MAP2K5: variants seen among roughly 807,000 people sequenced by gnomAD.
MAP2K5 encodes dual specificity mitogen-activated protein kinase kinase 5.
Under a neutral mutation model 83.1 loss-of-function variants are expected in MAP2K5, and 49 were observed. That is an observed-to-expected ratio of 0.59 (90% CI 0.47 to 0.75). The LOEUF is 0.75. MAP2K5 is among the 30% of genes least tolerant of loss of function. The pLI is 0.00. For synonymous variants in MAP2K5, 202 were observed against 191.8 expected (o/e 1.05, Z -0.44); for missense variants, 457 against 557.5 (o/e 0.82, Z 1.82).
chr15:67,806,437 C>T (rs902404483), intron 21 of MAP2K5, among the ~76,000 whole-genome samples: 4 of 152,196 alleles, frequency 2.6e-5, no homozygotes, highest in African/African-American at 9.7e-5. Context: ...GCCAGCACTC[C>T]ACACGCTTGG....
At chr15:67,685,378 A>G (rs2087928066) in intron 13 of MAP2K5, among the ~76,000 whole-genome samples, 1 of 152,212 alleles carries the variant, frequency 6.6e-6, no homozygotes, top group South Asian at 2.1e-4. Flanking sequence ...AAACAGCTAA[A>G]TAAAGACTTT....
At position 67,724,134 on chromosome 15, in the gene MAP2K5, C is replaced by T. The variant is rs72751419; in HGVS notation, c.1045-3782C>T. ...CATTAAATCTGAAACACATTTAGTA[C>T]AGTGACATATCTGCAGGCCATTTCA... On this transcript the variant is annotated intron_variant, in intron 16 of 21. Transcript: ENST00000178640. The surrounding 1 kb of genome is among the most constrained non-coding windows in gnomAD (Gnocchi z 4.4). Among the ~76,000 whole-genome samples the T allele has an allele frequency of 4.9e-3, 747 of 152,290 alleles. 4 individuals are homozygous for T. Among genetic ancestry groups the T allele is most frequent in the Middle Eastern group, 6.8e-3 (2 of 294 alleles).
rs1016427251 is a variant in MAP2K5 at position 67,550,153 on chromosome 15, A to G, written c.184+71A>G. On this transcript the variant is annotated intron_variant, in intron 2 of 21. Coordinates refer to ENST00000178640, the MANE Select transcript of MAP2K5 (RefSeq NM_145160.3). ...ATTTTTTAAAGGGTTTATGGGTGGC[A>G]TTACTTTAGAAACTGACAAAAACAG... is the stretch of plus-strand genomic sequence containing the variant. 7.0e-5 allele frequency: 84 copies of G among 1,205,956 alleles called. No individual in the cohort carries two copies. In the African/African-American group the frequency reaches 1.1e-3, roughly 16 times the overall value. 74.7% of individuals were successfully genotyped at this position (1,205,956 alleles called of 1,614,324 possible).
intron 8 of MAP2K5, among the ~76,000 whole-genome samples, chr15:67,605,837 T>C (rs2085767066): frequency 6.6e-6 from 1 of 152,206 alleles, no homozygotes; most frequent in Admixed American, 6.5e-5. Context: ...TTAGTGGGGC[T>C]CTTTCATTGG....
chr15:67,657,285 A>G (rs2087107370), intron 11 of MAP2K5, among the ~76,000 whole-genome samples: 1 of 152,148 alleles, frequency 6.6e-6, no homozygotes, highest in African/African-American at 2.4e-5. Context: ...TTACTGGTAC[A>G]TGTGGATGGG....
intron 13 of MAP2K5, among the ~76,000 whole-genome samples, chr15:67,674,170 G>A (rs1260300884): frequency 6.6e-6 from 1 of 152,070 alleles, no homozygotes; most frequent in African/African-American, 2.4e-5. Context: ...TAAAAGAACT[G>A]GTTAGTGCTT....
At chr15:67,663,520 G>C (rs762614259) in intron 12 of MAP2K5, among the ~76,000 whole-genome samples, 33 of 152,068 alleles carry the variant, frequency 2.2e-4, no homozygotes, top group Non-Finnish European at 4.1e-4. Flanking sequence ...TCTGACTCCT[G>C]ATGGGAAAAG....
rs1383547087 is a variant in MAP2K5 at position 67,807,095 on chromosome 15, A to T, written c.*345A>T. On this transcript the variant is annotated 3_prime_UTR_variant, in exon 22 of 22. Coordinates refer to ENST00000178640, the MANE Select transcript of MAP2K5 (RefSeq NM_145160.3). The surrounding 1 kb of genome is among the most constrained non-coding windows in gnomAD (Gnocchi z 5.1). ...CGTCAGCATCACTGATGGGAATAAAAGTATTAATGCTTTGTGACAGCCTCT... is the reference window on the plus strand; with the variant it reads ...CGTCAGCATCACTGATGGGAATAAATGTATTAATGCTTTGTGACAGCCTCT... The T allele has an allele frequency of 1.6e-6, 1 of 638,864 alleles. No homozygotes were observed. The highest frequency in any genetic ancestry group is 2.4e-6 in the Non-Finnish European group (1 of 425,000). 39.6% of individuals were successfully genotyped at this position (638,864 alleles called of 1,614,324 possible).
intron 16 of MAP2K5, among the ~76,000 whole-genome samples, chr15:67,726,143 G>A (rs2089090213): frequency 6.6e-6 from 1 of 152,104 alleles, no homozygotes; most frequent in Non-Finnish European, 1.5e-5. Flanking sequence ...TGTATATTTT[G>A]TGTACAAGAT....
Position 67,644,393 on chromosome 15 carries a change from C to CTAAATAAA in MAP2K5, c.586-1821_586-1814dup, listed in dbSNP as rs536126191. 8.6e-5 allele frequency among the ~76,000 whole-genome samples: 13 copies of CTAAATAAA among 151,920 alleles called. No homozygotes were observed. The highest frequency in any genetic ancestry group is 3.1e-4 in the African/African-American group (13 of 41,392). ...TGGGTGACAGGGCAGGACTCCATCT[C>CTAAATAAA]TAAATAAATAAATAAATAAATAAAA... is the stretch of plus-strand genomic sequence containing the variant. On this transcript the variant is annotated intron_variant, in intron 9 of 21. Transcript: ENST00000178640. This position sits in a 1 kb window ranked among gnomAD's most constrained non-coding sequence, Gnocchi z 4.6.
chr15:67,635,934 T>C (rs190017071), intron 9 of MAP2K5, among the ~76,000 whole-genome samples: 1 of 152,350 alleles, frequency 6.6e-6, no homozygotes, highest in Admixed American at 6.5e-5. Flanking sequence ...TTAATGTCTC[T>C]ACTTAACATG....
chr15:67,696,199 A>G (rs1268285028), intron 15 of MAP2K5, among the ~76,000 whole-genome samples: 1 of 149,658 alleles, frequency 6.7e-6, no homozygotes, highest in Admixed American at 6.7e-5. Flanking sequence ...TGAGTTCTAC[A>G]TGAGCCCTAT....
At chr15:67,680,639 G>T (rs1476973441) in intron 13 of MAP2K5, among the ~76,000 whole-genome samples, 1 of 152,126 alleles carries the variant, frequency 6.6e-6, no homozygotes, top group Non-Finnish European at 1.5e-5. Context: ...CATTCTTTCT[G>T]CTCACTGATA....
chr15:67,685,301 C>G (rs1223189644), intron 13 of MAP2K5, among the ~76,000 whole-genome samples: 1 of 152,182 alleles, frequency 6.6e-6, no homozygotes, highest in African/African-American at 2.4e-5. Context: ...GGAAAGACGT[C>G]TTTAAAATGT....
chr15:67,664,333 C>CAAG (rs1555538652), intron 12 of MAP2K5, among the ~76,000 whole-genome samples: 1 of 74,090 alleles, frequency 1.3e-5, no homozygotes, highest in Non-Finnish European at 2.4e-5. Flanking sequence ...CTGTTTCTAC[C>CAAG]AAAAAAAAAA....
At position 67,676,225 on chromosome 15, in the gene MAP2K5, A is replaced by G. The variant is rs997550589; in HGVS notation, c.847+11580A>G. ...GTTTAGGAGCTTATCAGAGGGAGAGAGAGAGCACCTGTATGATGAATGACA... is the reference window on the plus strand; with the variant it reads ...GTTTAGGAGCTTATCAGAGGGAGAGGGAGAGCACCTGTATGATGAATGACA... On this transcript the variant is annotated intron_variant, in intron 13 of 21. Transcript: ENST00000178640. The surrounding 1 kb of genome is among the most constrained non-coding windows in gnomAD (Gnocchi z 4.8). 2.6e-5 allele frequency among the ~76,000 whole-genome samples: 4 copies of G among 152,164 alleles called. No individual in the cohort carries two copies. The highest frequency in any genetic ancestry group is 5.9e-5 in the Non-Finnish European group (4 of 68,036).
rs2141316000 is a variant in MAP2K5, at chr15:67,779,879, A to G, written c.1242+7127A>G. Among the ~76,000 whole-genome samples, 1 of 152,284 alleles carries G rather than the reference A, an allele frequency of 6.6e-6. No homozygotes were observed. Among genetic ancestry groups the G allele is most frequent in the South Asian group, 2.1e-4 (1 of 4,824 alleles). ...GCCAGATTTGCGGCAGCGGGAGGCT[A>G]AGGTGGGTCTTTAAAGTATGTTACA... On this transcript the variant is annotated intron_variant, in intron 21 of 21. Transcript: ENST00000178640. This position sits in a 1 kb window ranked among gnomAD's most constrained non-coding sequence, Gnocchi z 4.6.
intron 16 of MAP2K5, among the ~76,000 whole-genome samples, chr15:67,725,395 C>T (rs549472944): frequency 6.6e-6 from 1 of 152,308 alleles, no homozygotes; most frequent in African/African-American, 2.4e-5. Flanking sequence ...TATCTCACTC[C>T]GTTTTAAGCC....
Position 67,806,734 on chromosome 15 carries a change from A to G in MAP2K5, c.1331A>G (p.Gln444Arg). ...VCRALEERRS[Q>R]QGPP is the part of the protein sequence containing the mutation. ...CGGGCGCTGGAGGAGAGGCGGAGCC[A>G]GCAGGGGCCCCCGTGAGGCTGCCGC... The change falls in exon 22 of 22, where the codon CAG becomes CGG. Residue 444 changes from glutamine (Q) to arginine (R), a missense_variant. This residue lies in a region of MAP2K5 where 55 missense variants were observed against 50.9 expected (regional missense o/e 1.08). Coordinates refer to ENST00000178640, the MANE Select transcript of MAP2K5 (RefSeq NM_145160.3). The G allele has an allele frequency of 6.4e-7, 1 of 1,554,034 alleles. No homozygotes were observed. The highest frequency in any genetic ancestry group is 8.7e-7 in the Non-Finnish European group (1 of 1,150,236).
Sources: allele counts gnomAD v4.1 joint callset (sites outside exome capture counted in the v4.1 genomes callset), GRCh38; gene constraint gnomAD v4.1.1; regional missense constraint gnomAD v4.1.1; non-coding constraint Gnocchi (gnomAD v3.1); transcripts MANE v1.5; gene names NCBI Gene and HGNC (gene_info 2026-07-23, HGNC 2026-07-21).